ZNF132: variants seen among roughly 807,000 people sequenced by gnomAD.
ZNF132 encodes the protein zinc finger protein 132 (clone pHZ-12).
Under a neutral mutation model 9.3 loss-of-function variants are expected in ZNF132, and 6 were observed. The observed-to-expected ratio is 0.65, with a 90% CI of 0.35 to 1.28. ZNF132 has a LOEUF of 1.28. Ranked by LOEUF, ZNF132 falls within the 50% of genes most tolerant of loss-of-function variation. ZNF132 has a pLI of 0.03. For synonymous variants in ZNF132, 296 were observed against 292.0 expected (o/e 1.01, Z -0.14); for missense variants, 877 against 843.2 (o/e 1.04, Z -0.50).
rs763547813 is a variant in ZNF132 at position 58,435,055 on chromosome 19, G to A, written c.389C>T (p.Ala130Val). ...CTCAGACTGTGTTCCCTGATGCTCAGCCAGGTGCAAAATGTCTTTCAAGAA... is the reference window on the plus strand; with the variant it reads ...CTCAGACTGTGTTCCCTGATGCTCAACCAGGTGCAAAATGTCTTTCAAGAA... ...GPFLKDILHL[A>V]EHQGTQSEEK... is the part of the protein sequence containing the mutation. The change falls in exon 3 of 3, where the codon GCT becomes GTT. Residue 130 changes from alanine (A) to valine (V), a missense_variant. Ala to Val is a moderately conservative substitution (Grantham distance 64, BLOSUM62 0). Transcript: ENST00000254166. The A allele has an allele frequency of 1.9e-6, 3 of 1,614,146 alleles. No individual in the cohort carries two copies. The highest frequency in any genetic ancestry group is 2.5e-6 in the Non-Finnish European group (3 of 1,180,034).
At position 58,439,878 on chromosome 19, in the gene ZNF132, G is replaced by C; in HGVS notation, c.-57C>G. 6.6e-7 allele frequency: 1 copy of C among 1,517,726 alleles called. No homozygotes were observed. The highest frequency in any genetic ancestry group is 2.6e-5 in the East Asian group (1 of 38,904). The allele number at this position is 1,517,726 out of a possible 1,614,324, so 94.0% of individuals were successfully genotyped here. On this transcript the variant is annotated 5_prime_UTR_variant, in exon 1 of 3. Transcript: ENST00000254166. ...GGCCGAACCCTCACACTTCCGCTGG[G>C]TGACGGTCGCACTCAGGACCTGTCT...
Position 58,434,737 on chromosome 19 carries a change from A to C in ZNF132, c.707T>G (p.Phe236Cys). ...LPEVCTTQKL[F>C]ECSNCGKAFL... ...GGCTTTTCCACAGTTGCTGCACTCG[A>C]AGAGTTTCTGTGTGGTACAGACTTC... is the stretch of plus-strand genomic sequence containing the variant. The change falls in exon 3 of 3, where the codon TTC (phenylalanine) becomes TGC (cysteine). Residue 236 changes from phenylalanine to cysteine, a missense_variant. Transcript: ENST00000254166. 6.2e-7 allele frequency: 1 copy of C among 1,614,182 alleles called. No homozygotes were observed. Among genetic ancestry groups the C allele is most frequent in the Non-Finnish European group, 8.5e-7 (1 of 1,180,036 alleles).
At chr19:58,436,572 G>C (rs1351322610) in intron 2 of ZNF132, among the ~76,000 whole-genome samples, 4 of 149,654 alleles carry the variant, frequency 2.7e-5, no homozygotes, top group Admixed American at 6.8e-5. Flanking sequence ...GGAGGCTGAG[G>C]CAGGAGAATG....
In ZNF132 at chr19:58,434,771, GC is replaced by G; in HGVS notation, c.672del (p.Gln225SerfsTer22). ...TGTGTGGTACAGACTTCTGGAAGCTGCCCAAGATTGGAATATGGCTTCTGCC... is the reference window on the plus strand; with the variant it reads ...TGTGTGGTACAGACTTCTGGAAGCTGCCAAGATTGGAATATGGCTTCTGCC... ...DSGQKPYSNL[G>X]QLPEVCTTQK... On this transcript the variant is annotated frameshift_variant, in exon 3 of 3. Coordinates refer to ENST00000254166, the MANE Select transcript of ZNF132 (RefSeq NM_003433.4). LOFTEE classifies it low-confidence loss of function (END_TRUNC). 6.2e-7 allele frequency: 1 copy of G among 1,614,202 alleles called. No individual in the cohort carries two copies.
At position 58,433,640 on chromosome 19, in the gene ZNF132, T is replaced by G; in HGVS notation, c.1804A>C (p.Ser602Arg). 6.2e-7 allele frequency: 1 copy of G among 1,614,184 alleles called. No individual in the cohort carries two copies. Among genetic ancestry groups the G allele is most frequent in the Non-Finnish European group, 8.5e-7 (1 of 1,180,028 alleles). ...VHTGEKPYKCSECGKFFSRKS... is the reference protein window; with the variant it reads ...VHTGEKPYKCRECGKFFSRKS... Reference sequence around the variant, plus strand: ...CGGCTAAAGAATTTCCCACATTCACTGCATTTATAAGGCTTTTCTCCAGTA... The same window carrying G: ...CGGCTAAAGAATTTCCCACATTCACGGCATTTATAAGGCTTTTCTCCAGTA... Residue 602 changes from serine to arginine, a missense_variant, in exon 3 of 3, where the codon AGT becomes CGT. Ser to Arg is a moderately radical substitution (Grantham distance 110, BLOSUM62 -1). Transcript: ENST00000254166.
chr19:58,433,662 A>G lies in ZNF132; in HGVS notation c.1782T>C (p.Thr594=). The change falls in exon 3 of 3, where the codon ACT becomes ACC. Residue 594 remains threonine, a synonymous_variant. Transcript: ENST00000254166. ...SILIKHQKVH[T]GEKPYKCSEC... The stretch of plus-strand genomic sequence containing the variant: ...CACTGCATTTATAAGGCTTTTCTCC[A>G]GTATGAACTTTCTGATGCTTAATGA... 6.2e-7 allele frequency: 1 copy of G among 1,614,112 alleles called. No individual in the cohort carries two copies. The highest frequency in any genetic ancestry group is 8.5e-7 in the Non-Finnish European group (1 of 1,180,024).
rs200814507 is a variant in ZNF132, at chr19:58,434,299, C to T, written c.1145G>A (p.Arg382Lys). The T allele has an allele frequency of 5.1e-5, 83 of 1,613,852 alleles. 1 individual carries two copies. In the South Asian group the frequency reaches 8.8e-4, roughly 17 times the overall value. The change falls in exon 3 of 3, where the codon AGA becomes AAA. Residue 382 changes from arginine to lysine, a missense_variant. Transcript: ENST00000254166. ...ERPFECLKCGRAFSQSSNFLR... is the reference protein window; with the variant it reads ...ERPFECLKCGKAFSQSSNFLR... The stretch of plus-strand genomic sequence containing the variant: ...GAAATTGGAGCTTTGGCTGAAGGCT[C>T]TTCCACATTTCAGGCACTCAAAAGG...
Position 58,435,119 on chromosome 19 carries a change from A to G in ZNF132, c.325T>C (p.Ser109Pro), listed in dbSNP as rs1236793114. Residue 109 changes from serine (S) to proline (P), a missense_variant, in exon 3 of 3, where the codon TCC (serine) becomes CCC (proline). Ser to Pro is a moderately conservative substitution (Grantham distance 74, BLOSUM62 -1). Transcript: ENST00000254166. ...TCACAGGAGTTAGCTTTCTTGGTGG[A>G]AGGATCTGCATTAGGGATCCTGACC... ...LQVRIPNADPSTKKANSCDMC... is the reference protein window; with the variant it reads ...LQVRIPNADPPTKKANSCDMC... The G allele has an allele frequency of 6.2e-7, 1 of 1,614,166 alleles. No individual in the cohort carries two copies. The highest frequency in any genetic ancestry group is 1.1e-5 in the South Asian group (1 of 91,078).
Position 58,434,530 on chromosome 19 carries a change from T to A in ZNF132, c.914A>T (p.Lys305Met). Residue 305 changes from lysine to methionine, a missense_variant, in exon 3 of 3, where the codon AAG (lysine) becomes ATG (methionine). By Grantham distance (95) the Lys-to-Met change is moderately conservative. Coordinates refer to ENST00000254166, the MANE Select transcript of ZNF132 (RefSeq NM_003433.4). ...ECGKAFSHSS[K>M]LRKHQKFHTE... ...GTGAAATTTCTGGTGCTTCCTCAGC[T>A]TAGATGAGTGACTAAAGGCCTTCCC... The A allele has an allele frequency of 6.2e-7, 1 of 1,614,216 alleles. No individual in the cohort carries two copies. Among genetic ancestry groups the A allele is most frequent in the South Asian group, 1.1e-5 (1 of 91,084 alleles).
intron 1 of ZNF132, among the ~76,000 whole-genome samples, chr19:58,439,014 TCTGGCCGCC>T (rs1335204804): frequency 6.6e-6 from 1 of 152,116 alleles, no homozygotes; most frequent in African/African-American, 2.4e-5. Context: ...CCTCAAGTGA[TCTGGCCGCC>T]TTGGCCTCCC....
At chr19:58,437,384 A>G (rs1323913755) in intron 1 of ZNF132, among the ~76,000 whole-genome samples, 169 bp from the exon 2 acceptor site, 1 of 152,070 alleles carries the variant, frequency 6.6e-6, no homozygotes, top group Non-Finnish European at 1.5e-5. Context: ...CCCACCTAAC[A>G]TGCCCTGGAA....
Position 58,439,920 on chromosome 19 carries a change from C to G in ZNF132, c.-99G>C. The G allele has an allele frequency of 7.9e-7, 1 of 1,270,616 alleles. No homozygotes were observed. Among genetic ancestry groups the G allele is most frequent in the African/African-American group, 1.5e-5 (1 of 64,570 alleles). The allele number at this position is 1,270,616 out of a possible 1,614,324, so 78.7% of individuals were successfully genotyped here. A position where few individuals can be genotyped will look rare whatever the true frequency, so the allele number is the denominator to read the frequency against. ...GACCTGTCTTCCCAAATGCAAAATG[C>G]GCGCAAGGCCTCTGGGCACCGCAGG... On this transcript the variant is annotated 5_prime_UTR_variant, in exon 1 of 3. Coordinates refer to ENST00000254166, the MANE Select transcript of ZNF132 (RefSeq NM_003433.4).
At chr19:58,437,435 G>A (rs1379727182) in intron 1 of ZNF132, among the ~76,000 whole-genome samples, 2 of 152,152 alleles carry the variant, frequency 1.3e-5, no homozygotes, top group Non-Finnish European at 2.9e-5. Flanking sequence ...ACTGGTCACT[G>A]TATCCAGGCC....
Position 58,435,343 on chromosome 19 carries a change from C to T in ZNF132, c.233-132G>A, listed in dbSNP as rs2052767595. ...ATTGCTGACAGGCCAACAGGGCCATCATCAGGGTGAAGAAGGGCCCATTAC... is the reference window on the plus strand; with the variant it reads ...ATTGCTGACAGGCCAACAGGGCCATTATCAGGGTGAAGAAGGGCCCATTAC... On this transcript the variant is annotated intron_variant, in intron 2 of 2. Coordinates refer to ENST00000254166, the MANE Select transcript of ZNF132 (RefSeq NM_003433.4). 21 of 1,037,456 alleles carry T rather than the reference C, an allele frequency of 2.0e-5. No individual in the cohort carries two copies. In the South Asian group the frequency reaches 3.3e-4, roughly 16 times the overall value. The allele number at this position is 1,037,456 out of a possible 1,614,324, so 64.3% of individuals were successfully genotyped here. A position where few individuals can be genotyped will look rare whatever the true frequency, so the allele number is the denominator to read the frequency against.
Position 58,434,989 on chromosome 19 carries a change from C to G in ZNF132, c.455G>C (p.Trp152Ser). 1 of 1,614,168 alleles carries G rather than the reference C, an allele frequency of 6.2e-7. No homozygotes were observed. The highest frequency in any genetic ancestry group is 8.5e-7 in the Non-Finnish European group (1 of 1,180,050). ...YTCGACGRDFWLNANLHQHQK... is the reference protein window; with the variant it reads ...YTCGACGRDFSLNANLHQHQK... ...GTGCTGGTGAAGGTTTGCATTCAAC[C>G]AAAAGTCTCTCCCACATGCTCCACA... is the stretch of plus-strand genomic sequence containing the variant. Residue 152 changes from tryptophan (W) to serine (S), a missense_variant, in exon 3 of 3, where the codon TGG (tryptophan) becomes TCG (serine). Transcript: ENST00000254166.
Position 58,434,616 on chromosome 19 carries a change from T to C in ZNF132, c.828A>G (p.Lys276=). The C allele has an allele frequency of 6.2e-7, 1 of 1,614,240 alleles. No homozygotes were observed. The highest frequency in any genetic ancestry group is 8.5e-7 in the Non-Finnish European group (1 of 1,180,036). The change falls in exon 3 of 3, where the codon AAA becomes AAG. Residue 276 remains lysine, a synonymous_variant. Coordinates refer to ENST00000254166, the MANE Select transcript of ZNF132 (RefSeq NM_003433.4). ...GAAACTTTTTATTACCAAGGATTGA[T>C]TTCTCCTCTAAGAAATTTCCACCTG... ...CPTGGNFLEE[K]SILGNKKFHT... is the part of the protein sequence containing the mutation.
Position 58,433,054 on chromosome 19 carries a change from A to G in ZNF132, c.*269T>C. The G allele has an allele frequency of 2.0e-6, 1 of 499,080 alleles. No individual in the cohort carries two copies. The highest frequency in any genetic ancestry group is 3.6e-5 in the Admixed American group (1 of 27,552). 30.9% of individuals were successfully genotyped at this position (499,080 alleles called of 1,614,324 possible). ...CTAGAGAACACAGGAAGGAAGGCTC[A>G]GGGTACTGTTTTCCCCATGCATGAG... On this transcript the variant is annotated 3_prime_UTR_variant, in exon 3 of 3. Coordinates refer to ENST00000254166, the MANE Select transcript of ZNF132 (RefSeq NM_003433.4).
At position 58,434,481 on chromosome 19, in the gene ZNF132, G is replaced by A; in HGVS notation, c.963C>T (p.Cys321=). 3 of 1,614,218 alleles carry A rather than the reference G, an allele frequency of 1.9e-6. No individual in the cohort carries two copies. The highest frequency in any genetic ancestry group is 2.2e-5 in the East Asian group (1 of 44,886). ...KFHTEVKYYE[C]IACGKTFNHK... ...GGTTGAAGGTTTTCCCACATGCAATGCACTCATAATATTTTACTTCAGTGT... is the reference window on the plus strand; with the variant it reads ...GGTTGAAGGTTTTCCCACATGCAATACACTCATAATATTTTACTTCAGTGT... Residue 321 remains cysteine (C), a synonymous_variant, in exon 3 of 3, where the codon TGC becomes TGT. Transcript: ENST00000254166.
Position 58,433,857 on chromosome 19 carries a change from G to T in ZNF132, c.1587C>A (p.Ser529Arg). The T allele has an allele frequency of 6.2e-7, 1 of 1,613,808 alleles. No homozygotes were observed. Among genetic ancestry groups the T allele is most frequent in the Admixed American group, 1.7e-5 (1 of 59,994 alleles). ...ECRKSFSRSSSLIQHWRIHTG... is the reference protein window; with the variant it reads ...ECRKSFSRSSRLIQHWRIHTG... The stretch of plus-strand genomic sequence containing the variant: ...TGTGAATTCTCCAGTGCTGAATCAG[G>T]CTGGAGCTGCGGCTGAAGGATTTCC... The change falls in exon 3 of 3, where the codon AGC becomes AGA. Residue 529 changes from serine to arginine, a missense_variant. Physicochemically the swap from Ser to Arg is moderately radical, Grantham distance 110. Transcript: ENST00000254166.
Sources: gnomAD v4.1 joint callset for allele counts (sites outside exome capture counted in the v4.1 genomes callset) on GRCh38, gnomAD v4.1.1 for gene constraint, MANE v1.5 for transcripts, NCBI Gene and HGNC (gene_info 2026-07-23, HGNC 2026-07-21) for gene names.